Variants in GPR158 observed in about 807,000 individuals in gnomAD.
GPR158 encodes G protein-coupled receptor 158.
Under a neutral mutation model 78.2 loss-of-function variants are expected in GPR158, and 30 were observed. The ratio of observed to expected loss-of-function variants is 0.38; its 90% CI spans 0.29 to 0.52. The LOEUF (loss-of-function observed/expected upper bound fraction) is 0.52. GPR158 is among the 20% of genes least tolerant of loss of function. GPR158 has a pLI of 0.83. For missense variants in GPR158, 1,463 were observed against 1,523.5 expected (o/e 0.96, Z 0.66); for synonymous variants, 581 against 591.1 (o/e 0.98, Z 0.25).
chr10:25,495,152 T>G (rs887945158), intron 5 of GPR158, among the ~76,000 whole-genome samples: 4 of 151,362 alleles, frequency 2.6e-5, no homozygotes, highest in Admixed American at 1.3e-4. Context: ...CCACTAACTT[T>G]TTTTTTTTTT....
intron 5 of GPR158, among the ~76,000 whole-genome samples, chr10:25,486,407 C>T (rs982548083): frequency 4.6e-5 from 7 of 152,080 alleles, no homozygotes; most frequent in African/African-American, 9.7e-5. Flanking sequence ...CCTCTTTAGA[C>T]CTCTATTTCT....
At chr10:25,359,126 C>T (rs953668149) in intron 2 of GPR158, among the ~76,000 whole-genome samples, 2 of 151,744 alleles carry the variant, frequency 1.3e-5, no homozygotes, top group African/African-American at 2.4e-5. Context: ...TATTTTACGA[C>T]TTCTGGGGCT....
chr10:25,489,950 A>G (rs917443997), intron 5 of GPR158, among the ~76,000 whole-genome samples: 2 of 152,196 alleles, frequency 1.3e-5, no homozygotes, highest in Non-Finnish European at 2.9e-5. Context: ...TTTACTGACT[A>G]GTACACAGAC....
intron 2 of GPR158, among the ~76,000 whole-genome samples, chr10:25,311,364 T>G (rs66529856): frequency 0.043 from 6,481 of 152,016 alleles, 149 homozygotes; most frequent in African/African-American, 0.052. Context: ...GTTTTAAAGT[T>G]TTTCTCACCT....
intron 7 of GPR158, among the ~76,000 whole-genome samples, chr10:25,578,444 G>A (rs574580277): frequency 6.6e-6 from 1 of 152,334 alleles, no homozygotes; most frequent in African/African-American, 2.4e-5. Context: ...CTTGTCCCCA[G>A]CTTCATTTTC....
intron 6 of GPR158, among the ~76,000 whole-genome samples, chr10:25,553,468 G>GT (rs1172882826): frequency 2.6e-5 from 4 of 151,990 alleles, no homozygotes; most frequent in East Asian, 1.9e-4. Context: ...ATTATATTCT[G>GT]TTTTTTTCTC....
intron 7 of GPR158, among the ~76,000 whole-genome samples, chr10:25,584,001 G>A (rs1018796576): frequency 3.9e-5 from 6 of 152,018 alleles, no homozygotes; most frequent in African/African-American, 1.2e-4. Flanking sequence ...GCTTGGCCCA[G>A]CCGTTTGAAA....
chr10:25,429,003 A>G (rs1191406003), intron 4 of GPR158, among the ~76,000 whole-genome samples: 1 of 152,034 alleles, frequency 6.6e-6, no homozygotes, highest in African/African-American at 2.4e-5. Context: ...GTATAAGCAG[A>G]AAAATCAGCA....
At chr10:25,521,692 T>C (rs576885298) in intron 5 of GPR158, among the ~76,000 whole-genome samples, 47 of 152,346 alleles carry the variant, frequency 3.1e-4, no homozygotes, top group African/African-American at 1.1e-3. Flanking sequence ...AAAGAGCTGC[T>C]GGTCAGTAAA....
At chr10:25,249,570 C>T (rs916495402) in intron 2 of GPR158, among the ~76,000 whole-genome samples, 15 of 151,826 alleles carry the variant, frequency 9.9e-5, no homozygotes, top group African/African-American at 3.4e-4. Context: ...TTGAGATAAT[C>T]ATGTGGATTT....
rs145242294 is a variant in GPR158, at chr10:25,196,680, G to A, written c.902+20358G>A. Among the ~76,000 whole-genome samples, 237 of 152,216 alleles carry A rather than the reference G, an allele frequency of 1.6e-3. 2 individuals are homozygous for A. Among genetic ancestry groups the A allele is most frequent in the African/African-American group, 5.4e-3 (225 of 41,540 alleles). Reference sequence around the variant, plus strand: ...AAGCTGGCAGTCTCTGCCCCACCCTGGACCTTTACTCTAGGAGAACTAATA... The same window carrying A: ...AAGCTGGCAGTCTCTGCCCCACCCTAGACCTTTACTCTAGGAGAACTAATA... On this transcript the variant is annotated intron_variant, in intron 1 of 10. Coordinates refer to ENST00000376351, the MANE Select transcript of GPR158 (RefSeq NM_020752.3).
intron 1 of GPR158, among the ~76,000 whole-genome samples, chr10:25,204,367 T>C (rs1267509893): frequency 5.3e-5 from 8 of 152,350 alleles, no homozygotes; most frequent in Non-Finnish European, 1.5e-5. Flanking sequence ...TTTTGCCCAT[T>C]CAGTATGATA....
At chr10:25,538,214 CGTTGTT>C (rs34703501) in intron 5 of GPR158, among the ~76,000 whole-genome samples, 4 of 151,230 alleles carry the variant, frequency 2.6e-5, no homozygotes, top group African/African-American at 4.9e-5. Flanking sequence ...TCAGATTTGC[CGTTGTT>C]GTTGTTGTTG....
intron 2 of GPR158, among the ~76,000 whole-genome samples, chr10:25,359,074 T>C (rs1354090389): frequency 6.6e-6 from 1 of 152,048 alleles, no homozygotes; most frequent in African/African-American, 2.4e-5. Flanking sequence ...AGCCTCTTGT[T>C]ATCATTGATA....
intron 4 of GPR158, among the ~76,000 whole-genome samples, chr10:25,437,693 GTCTGAGCAGTT>G (rs760632408): frequency 3.8e-4 from 58 of 152,226 alleles, no homozygotes; most frequent in Non-Finnish European, 6.9e-4. Context: ...GAGAACTTTT[GTCTGAGCAGTT>G]TCTGAGCAGT....
intron 2 of GPR158, among the ~76,000 whole-genome samples, chr10:25,315,849 C>G (rs11014501): frequency 0.027 from 4,071 of 152,104 alleles, 88 homozygotes; most frequent in Non-Finnish European, 0.046. Context: ...AAATGTCACC[C>G]TTTGCCATCT....
intron 2 of GPR158, among the ~76,000 whole-genome samples, chr10:25,297,902 G>A (rs1345912278): frequency 6.6e-6 from 1 of 152,192 alleles, no homozygotes; most frequent in Admixed American, 6.5e-5. Context: ...GAAAGAGCAT[G>A]CATGGACTTG....
chr10:25,207,116 G>A (rs375296904), intron 1 of GPR158, among the ~76,000 whole-genome samples: 10 of 152,034 alleles, frequency 6.6e-5, no homozygotes, highest in Middle Eastern at 3.2e-3. Context: ...TCTGCTCTTT[G>A]TCTGGGGGGA....
chr10:25,570,762 T>C (rs984680778), intron 6 of GPR158, among the ~76,000 whole-genome samples: 7 of 151,830 alleles, frequency 4.6e-5, no homozygotes, highest in African/African-American at 1.7e-4. Context: ...TAAAAAAATA[T>C]AAAAATTAGC....
Sources: gnomAD v4.1 joint callset for allele counts (sites outside exome capture counted in the v4.1 genomes callset) on GRCh38, gnomAD v4.1.1 for gene constraint, MANE v1.5 for transcripts, NCBI Gene and HGNC (gene_info 2026-07-23, HGNC 2026-07-21) for gene names.